Variants in ANK2 observed in about 807,000 individuals in gnomAD.
ANK2 encodes the protein ankyrin 2, also known as ankyrin-2.
Under a neutral mutation model 360.5 loss-of-function variants are expected in ANK2, and 83 were observed. That is an observed-to-expected ratio of 0.23 (90% CI 0.19 to 0.28). The LOEUF (loss-of-function observed/expected upper bound fraction) is 0.28, where lower values mean the gene tolerates loss of function less well. Ranked by LOEUF, ANK2 falls within the 10% of genes least tolerant of loss-of-function variation. The pLI, the probability that ANK2 is intolerant of heterozygous loss-of-function variation, is 1.00. For synonymous variants in ANK2, 1,740 were observed against 1,759.5 expected (o/e 0.99, Z 0.28); for missense variants, 4,201 against 4,795.7 (o/e 0.88, Z 3.66).
the ANK2 span, among the ~76,000 whole-genome samples, chr4:112,767,572 A>G: frequency 6.6e-6 from 1 of 151,174 alleles, no homozygotes; most frequent in African/African-American, 2.4e-5. Flanking sequence ...GTCTCAATAA[A>G]TAAATAAATA....
chr4:113,277,980 T>TA (rs2060849732), intron 16 of ANK2, 45 bp downstream of exon 16: 2 of 1,533,410 alleles, frequency 1.3e-6, no homozygotes, highest in Non-Finnish European at 1.8e-6. Context: ...GTGAAGGTGA[T>TA]AGATTAGGAG....
At chr4:112,867,127 T>C (rs1029109535) in intron 1 of ANK2, among the ~76,000 whole-genome samples, 3 of 152,064 alleles carry the variant, frequency 2.0e-5, no homozygotes, top group Admixed American at 6.6e-5. Flanking sequence ...TCTTACATTT[T>C]TTTTTCCTTG....
At chr4:112,941,538 C>CAT (rs34156004) in intron 2 of ANK2, among the ~76,000 whole-genome samples, 61,620 of 140,926 alleles carry the variant, frequency 0.44, 17,288 homozygotes, top group African/African-American at 0.78. Context: ...TAATTAAAAA[C>CAT]ATATTTAGTA....
chr4:112,973,188 T>TAAA (rs34597000), intron 2 of ANK2, among the ~76,000 whole-genome samples: 10 of 134,778 alleles, frequency 7.4e-5, no homozygotes, highest in African/African-American at 2.2e-4. Flanking sequence ...ATTTGCATTG[T>TAAA]AAAAAAAAAA....
At chr4:113,260,499 C>G (rs181498079) in intron 13 of ANK2, among the ~76,000 whole-genome samples, 2 of 152,218 alleles carry the variant, frequency 1.3e-5, no homozygotes, top group African/African-American at 4.8e-5. Context: ...AATATAATTT[C>G]CGTGTTTTCT....
the ANK2 span, among the ~76,000 whole-genome samples, chr4:112,812,191 T>C: frequency 2.5e-5 from 3 of 121,188 alleles, no homozygotes; most frequent in Non-Finnish European, 5.0e-5. Context: ...ATTGGTATAA[T>C]AGTTACCTCA....
At chr4:113,046,434 T>C (rs567216578), upstream of ANK2, among the ~76,000 whole-genome samples, 1 of 152,066 alleles carries the variant, frequency 6.6e-6, no homozygotes, top group African/African-American at 2.4e-5. Context: ...CCCAGTGTGA[T>C]GGTGTTAGGG....
intron 20 of ANK2, among the ~76,000 whole-genome samples, chr4:113,291,096 G>A (rs1331819220): frequency 6.6e-6 from 1 of 152,160 alleles, no homozygotes; most frequent in Non-Finnish European, 1.5e-5. Context: ...ATATATTATA[G>A]TGATATATTA....
intron 2 of ANK2, among the ~76,000 whole-genome samples, chr4:113,016,459 T>C (rs1263647002): frequency 6.6e-6 from 1 of 152,124 alleles, no homozygotes; most frequent in African/African-American, 2.4e-5. Context: ...TTGGCAACTA[T>C]CCTTTCCACT....
chr4:113,140,581 A>G (rs1331505791), intron 1 of ANK2, among the ~76,000 whole-genome samples: 1 of 152,188 alleles, frequency 6.6e-6, no homozygotes, highest in African/African-American at 2.4e-5. Flanking sequence ...AGAGAAAAAA[A>G]TTTAATTCAA....
chr4:113,155,357 C>T (rs1440711508), intron 1 of ANK2, among the ~76,000 whole-genome samples: 1 of 152,062 alleles, frequency 6.6e-6, no homozygotes, highest in African/African-American at 2.4e-5. Flanking sequence ...CAGCTCATGG[C>T]AAGTGATAGA....
At chr4:113,313,861 T>A (rs1453393051) in intron 24 of ANK2, among the ~76,000 whole-genome samples, 1 of 152,150 alleles carries the variant, frequency 6.6e-6, no homozygotes, top group African/African-American at 2.4e-5. Context: ...TATTCTAAAA[T>A]AAATATTTTT....
intron 1 of ANK2, among the ~76,000 whole-genome samples, chr4:112,828,113 G>T (rs568156658): frequency 6.6e-6 from 1 of 152,022 alleles, no homozygotes; most frequent in Admixed American, 6.6e-5. Context: ...TAAGCATTGG[G>T]GAAAGGATTC....
chr4:113,078,827 G>T (rs2081182109), intron 1 of ANK2, among the ~76,000 whole-genome samples: 1 of 152,172 alleles, frequency 6.6e-6, no homozygotes, highest in Admixed American at 6.5e-5. Context: ...CTGCCAGAGA[G>T]TATTTTAGGT....
chr4:112,897,228 C>T (rs2082036661), intron 1 of ANK2, among the ~76,000 whole-genome samples: 1 of 152,188 alleles, frequency 6.6e-6, no homozygotes, highest in Admixed American at 6.5e-5. Context: ...TCCCCCATGA[C>T]AGAAGTTGTT....
At chr4:112,871,769 C>G (rs2073136877) in intron 1 of ANK2, among the ~76,000 whole-genome samples, 3 of 152,100 alleles carry the variant, frequency 2.0e-5, no homozygotes, top group African/African-American at 7.2e-5. Flanking sequence ...CAGGAATTTC[C>G]TTGCTATTCC....
chr4:113,053,642 G>A (rs2068176231), intron 1 of ANK2, among the ~76,000 whole-genome samples: 1 of 152,164 alleles, frequency 6.6e-6, no homozygotes, highest in Non-Finnish European at 1.5e-5. Context: ...CACCCAGGCT[G>A]GAGTACAGTG....
At chr4:112,787,176 G>A in the ANK2 span, among the ~76,000 whole-genome samples, 10 of 152,214 alleles carry the variant, frequency 6.6e-5, no homozygotes, top group Admixed American at 6.5e-4. Context: ...CAAAATTAAA[G>A]TAAGATTAGA....
At chr4:112,911,835 TC>T (rs1482593805) in intron 2 of ANK2, among the ~76,000 whole-genome samples, 1 of 152,184 alleles carries the variant, frequency 6.6e-6, no homozygotes, top group Non-Finnish European at 1.5e-5. Flanking sequence ...TAAAAATACA[TC>T]TGTTTAATTG....
Sources: gnomAD v4.1 joint callset for allele counts (sites outside exome capture counted in the v4.1 genomes callset) on GRCh38, gnomAD v4.1.1 for gene constraint, MANE v1.5 for transcripts, NCBI Gene and HGNC (gene_info 2026-07-23, HGNC 2026-07-21) for gene names.